Variants in C1orf185 observed in about 807,000 individuals in gnomAD.
C1orf185 encodes the protein uncharacterized protein C1orf185.
A neutral mutation model predicts 16.1 loss-of-function variants in C1orf185; 13 were observed. The observed-to-expected ratio is 0.81, with a 90% CI of 0.53 to 1.28. The LOEUF (loss-of-function observed/expected upper bound fraction) is 1.28. C1orf185 is among the 50% of genes most tolerant of loss of function. The pLI is 0.00. For synonymous variants in C1orf185, 80 were observed against 76.9 expected, an observed-to-expected ratio of 1.04 and a Z score of -0.21; for missense variants, 220 against 225.2, an observed-to-expected ratio of 0.98 and a Z score of 0.15.
At chr1:51,120,704 A>G (rs12094888) in intron 3 of C1orf185, among the ~76,000 whole-genome samples, 7,568 of 152,298 alleles carry the variant, frequency 0.05, 538 homozygotes, top group African/African-American at 0.15. Flanking sequence ...GCTAGGTACT[A>G]ATGATATAAT....
At chr1:51,126,643 A>G (rs1056008621) in intron 3 of C1orf185, among the ~76,000 whole-genome samples, 4 of 152,240 alleles carry the variant, frequency 2.6e-5, no homozygotes, top group African/African-American at 9.6e-5. Context: ...TATGATTTAT[A>G]GAACAGTCAT....
At chr1:51,148,343 G>A (rs147559589), downstream of C1orf185, among the ~76,000 whole-genome samples, 573 of 152,098 alleles carry the variant, frequency 3.8e-3, 1 homozygote, top group East Asian at 6.0e-3. Flanking sequence ...GGCTAGTCTC[G>A]AACTCCTGAC....
rs1185816141 is a variant in C1orf185, at chr1:51,125,631, A to G, written c.258+6830A>G. On this transcript the variant is annotated intron_variant, in intron 3 of 4. Coordinates refer to ENST00000371759, the MANE Select transcript of C1orf185 (RefSeq NM_001136508.2). ...GCAATGAGCATTCTGTCTGACATGC[A>G]TAGAAACCAATACTATGGCACCAGC... Among the ~76,000 whole-genome samples, 5 of 152,210 alleles carry G rather than the reference A, an allele frequency of 3.3e-5. No individual in the cohort carries two copies. In the East Asian group the frequency reaches 9.6e-4, roughly 29 times the overall value.
intron 3 of C1orf185, among the ~76,000 whole-genome samples, chr1:51,139,386 G>C (rs1249457541): frequency 3.3e-5 from 5 of 152,132 alleles, no homozygotes; most frequent in Admixed American, 1.3e-4. Context: ...TTACAGACAT[G>C]AGTTACTGCA....
intron 4 of C1orf185, 132 bp from the exon 5 acceptor site, chr1:51,147,335 A>T: frequency 2.9e-6 from 2 of 698,988 alleles, no homozygotes; most frequent in Non-Finnish European, 4.4e-6. Flanking sequence ...ATTCCTAATT[A>T]CATATAACAC....
intron 3 of C1orf185, among the ~76,000 whole-genome samples, chr1:51,135,079 C>T (rs568681073): frequency 6.6e-6 from 1 of 152,342 alleles, no homozygotes; most frequent in East Asian, 1.9e-4. Flanking sequence ...CTTTGAAGAA[C>T]ATTGATGCAA....
chr1:51,133,573 T>C (rs1332093591), intron 3 of C1orf185, among the ~76,000 whole-genome samples: 1 of 152,140 alleles, frequency 6.6e-6, no homozygotes, highest in East Asian at 1.9e-4. Flanking sequence ...TTAGAGACCT[T>C]CAAAGAGACT....
intron 1 of C1orf185, among the ~76,000 whole-genome samples, chr1:51,109,203 G>A (rs149350750): frequency 2.6e-5 from 4 of 152,038 alleles, no homozygotes; most frequent in African/African-American, 9.6e-5. Flanking sequence ...TATACCTGTT[G>A]GTCATTTGTA....
intron 3 of C1orf185, among the ~76,000 whole-genome samples, chr1:51,142,338 C>T (rs1646370075): frequency 6.6e-6 from 1 of 152,172 alleles, no homozygotes; most frequent in South Asian, 2.1e-4. Flanking sequence ...TTTTGAAAGT[C>T]CACGACAGTT....
downstream of C1orf185, among the ~76,000 whole-genome samples, chr1:51,148,803 T>C (rs1050742471): frequency 2.6e-5 from 4 of 152,256 alleles, no homozygotes; most frequent in African/African-American, 7.2e-5. Flanking sequence ...GGCACATGCC[T>C]GTAGTCCCAG....
chr1:51,145,502 G>A (rs1646393026), intron 3 of C1orf185, among the ~76,000 whole-genome samples: 1 of 152,020 alleles, frequency 6.6e-6, no homozygotes, highest in South Asian at 2.1e-4. Flanking sequence ...TCCTTATTCT[G>A]GAGACTGCCT....
chr1:51,152,011 A>T (rs961255507), downstream of C1orf185, among the ~76,000 whole-genome samples: 3 of 151,942 alleles, frequency 2.0e-5, no homozygotes, highest in East Asian at 5.8e-4. Context: ...ATTTTATTTT[A>T]TTGAGACAGT....
intron 3 of C1orf185, among the ~76,000 whole-genome samples, chr1:51,119,776 G>A (rs1019376468): frequency 2.6e-5 from 4 of 152,176 alleles, no homozygotes; most frequent in African/African-American, 7.2e-5. Context: ...CTCCAGCCTA[G>A]GTGACAGCAA....
chr1:51,123,994 C>T (rs553261967), intron 3 of C1orf185, among the ~76,000 whole-genome samples: 131 of 150,140 alleles, frequency 8.7e-4, no homozygotes, highest in African/African-American at 2.8e-3. Flanking sequence ...AGAGAGAGAG[C>T]GAGCAATAAT....
At chr1:51,122,645 T>C (rs1381746677) in intron 3 of C1orf185, among the ~76,000 whole-genome samples, 1 of 152,232 alleles carries the variant, frequency 6.6e-6, no homozygotes, top group Non-Finnish European at 1.5e-5. Flanking sequence ...TTTGGTATTA[T>C]GTAGTCTATG....
intron 1 of C1orf185, chr1:51,107,448 G>A (rs1401289996): frequency 6.6e-6 from 1 of 151,970 alleles, no homozygotes; most frequent in Non-Finnish European, 1.5e-5. Context: ...AGTAAAATTT[G>A]GTGTACTTTA....
At chr1:51,104,564 A>G (rs1246183680) in intron 1 of C1orf185, among the ~76,000 whole-genome samples, 4 of 152,186 alleles carry the variant, frequency 2.6e-5, no homozygotes, top group Admixed American at 2.6e-4. Context: ...TTTTGTGTTA[A>G]CGAAGTTATT....
intron 3 of C1orf185, among the ~76,000 whole-genome samples, chr1:51,143,584 A>C (rs1646380575): frequency 6.6e-6 from 1 of 152,208 alleles, no homozygotes; most frequent in Non-Finnish European, 1.5e-5. Flanking sequence ...TTAACAGTTG[A>C]AAGAATATGC....
intron 3 of C1orf185, among the ~76,000 whole-genome samples, chr1:51,123,049 A>G (rs1266206191): frequency 7.2e-5 from 11 of 152,168 alleles, no homozygotes; most frequent in African/African-American, 9.7e-5. Flanking sequence ...GGAGGGGCAC[A>G]TCTGGTGAAA....
Sources: gnomAD v4.1 joint callset for allele counts (sites outside exome capture counted in the v4.1 genomes callset) on GRCh38, gnomAD v4.1.1 for gene constraint, MANE v1.5 for transcripts, NCBI Gene and HGNC (gene_info 2026-07-23, HGNC 2026-07-21) for gene names.